RUNDC3B: variants seen among roughly 807,000 people sequenced by gnomAD.
RUNDC3B encodes the protein RUN domain-containing protein 3B.
Under a neutral mutation model 58.4 loss-of-function variants are expected in RUNDC3B, and 33 were observed. That is an observed-to-expected ratio of 0.56 (90% CI 0.43 to 0.75). The LOEUF (loss-of-function observed/expected upper bound fraction) is 0.75, where lower values mean the gene tolerates loss of function less well. Ranked by LOEUF, RUNDC3B falls within the 30% of genes least tolerant of loss-of-function variation. The pLI, the probability that RUNDC3B is intolerant of heterozygous loss-of-function variation, is 0.00. For synonymous variants in RUNDC3B, 193 were observed against 195.2 expected (o/e 0.99, Z 0.10); for missense variants, 501 against 535.7 (o/e 0.94, Z 0.64).
intron 2 of RUNDC3B, among the ~76,000 whole-genome samples, chr7:87,675,225 C>G (rs1369034889): frequency 6.6e-6 from 1 of 152,250 alleles, no homozygotes; most frequent in Admixed American, 6.5e-5. Flanking sequence ...CTTCCTCCCT[C>G]TGTCCACTCT....
intron 9 of RUNDC3B, among the ~76,000 whole-genome samples, chr7:87,815,141 C>T (rs1198062275): frequency 6.6e-6 from 1 of 151,884 alleles, no homozygotes; most frequent in Admixed American, 6.6e-5. Context: ...ATGGAGACTA[C>T]ATATAAGCAT....
intron 4 of RUNDC3B, among the ~76,000 whole-genome samples, chr7:87,714,131 A>G (rs1194694755): frequency 6.6e-6 from 1 of 152,226 alleles, no homozygotes; most frequent in Non-Finnish European, 1.5e-5. Flanking sequence ...TTTAAGAGTT[A>G]AGAATGCATT....
chr7:87,641,504 C>G (rs907621524), intron 1 of RUNDC3B, among the ~76,000 whole-genome samples: 9 of 152,130 alleles, frequency 5.9e-5, no homozygotes, highest in African/African-American at 1.7e-4. Flanking sequence ...TATTTTCTAG[C>G]ACCCTTCCTC....
At chr7:87,797,495 G>A (rs1835880668) in intron 8 of RUNDC3B, among the ~76,000 whole-genome samples, 1 of 152,182 alleles carries the variant, frequency 6.6e-6, no homozygotes, top group African/African-American at 2.4e-5. Context: ...TCAGGTGGTG[G>A]CAGCCTAGTT....
chr7:87,810,708 T>C (rs1392496242), intron 9 of RUNDC3B, among the ~76,000 whole-genome samples: 3 of 152,190 alleles, frequency 2.0e-5, no homozygotes. Flanking sequence ...AAAATATAAT[T>C]TCGTTTATTT....
chr7:87,814,933 C>T (rs989026845), intron 9 of RUNDC3B, among the ~76,000 whole-genome samples: 7 of 151,966 alleles, frequency 4.6e-5, no homozygotes, highest in African/African-American at 7.2e-5. Context: ...GTTGTCCATT[C>T]GTTATGAAAT....
chr7:87,777,138 T>C (rs999783204), intron 7 of RUNDC3B, among the ~76,000 whole-genome samples: 1 of 152,172 alleles, frequency 6.6e-6, no homozygotes, highest in African/African-American at 2.4e-5. Context: ...TTCCAAGAAG[T>C]CTTATATCTA....
At chr7:87,656,897 A>G (rs1824159093) in intron 2 of RUNDC3B, among the ~76,000 whole-genome samples, 1 of 152,186 alleles carries the variant, frequency 6.6e-6, no homozygotes, top group African/African-American at 2.4e-5. Flanking sequence ...GTATTTATTG[A>G]GTATCTACTA....
intron 1 of RUNDC3B, among the ~76,000 whole-genome samples, chr7:87,637,880 C>A (rs187113681): frequency 6.6e-6 from 1 of 151,802 alleles, no homozygotes; most frequent in Admixed American, 6.6e-5. Context: ...CTTTTTCAAT[C>A]TTTATGGCTT....
chr7:87,769,433 T>C (rs1834152458), intron 6 of RUNDC3B, among the ~76,000 whole-genome samples: 1 of 152,174 alleles, frequency 6.6e-6, no homozygotes, highest in South Asian at 2.1e-4. Flanking sequence ...TTTTTTGTTT[T>C]GAATTTTCTT....
intron 8 of RUNDC3B, among the ~76,000 whole-genome samples, chr7:87,786,777 CA>C (rs1835246824): frequency 6.6e-6 from 1 of 151,876 alleles, no homozygotes; most frequent in Non-Finnish European, 1.5e-5. Context: ...TGAAAGGAAA[CA>C]AAGACTTTCA....
chr7:87,663,459 A>G (rs1420702421), intron 2 of RUNDC3B, among the ~76,000 whole-genome samples: 1 of 152,036 alleles, frequency 6.6e-6, no homozygotes, highest in East Asian at 1.9e-4. Flanking sequence ...TACCGCTACT[A>G]TGTATTATTG....
At chr7:87,758,357 C>G (rs977135238) in intron 6 of RUNDC3B, among the ~76,000 whole-genome samples, 4 of 151,966 alleles carry the variant, frequency 2.6e-5, no homozygotes, top group Non-Finnish European at 5.9e-5. Flanking sequence ...CAAACAAAAA[C>G]CGAACACCTG....
chr7:87,796,643 G>C (rs1295577063), intron 8 of RUNDC3B, among the ~76,000 whole-genome samples: 1 of 152,022 alleles, frequency 6.6e-6, no homozygotes, highest in Non-Finnish European at 1.5e-5. Context: ...AAGGCAGTGG[G>C]CAAATTTTTC....
At chr7:87,735,057 A>G (rs749939729) in intron 4 of RUNDC3B, among the ~76,000 whole-genome samples, 2 of 152,142 alleles carry the variant, frequency 1.3e-5, no homozygotes, top group African/African-American at 4.8e-5. Context: ...CCATATGACC[A>G]TGATACCACA....
intron 8 of RUNDC3B, among the ~76,000 whole-genome samples, chr7:87,788,191 G>A (rs1835325788): frequency 6.6e-6 from 1 of 152,194 alleles, no homozygotes; most frequent in African/African-American, 2.4e-5. Context: ...GAGAGGCCAA[G>A]GCGAGAGAAT....
intron 4 of RUNDC3B, among the ~76,000 whole-genome samples, chr7:87,736,873 ATATATATATATATATATTTTTTTT>A (rs1178249314): frequency 2.9e-4 from 11 of 37,640 alleles, no homozygotes; most frequent in African/African-American, 1.0e-3. Flanking sequence ...ATATATATAT[ATATATATATATATATATTTTTTTT>A]TTTTTTTTTT....
At chr7:87,780,437 C>T (rs1178083700) in intron 8 of RUNDC3B, among the ~76,000 whole-genome samples, 1 of 152,020 alleles carries the variant, frequency 6.6e-6, no homozygotes, top group Non-Finnish European at 1.5e-5. Flanking sequence ...CCCTTGCCCA[C>T]TTTTTACTGG....
intron 4 of RUNDC3B, among the ~76,000 whole-genome samples, chr7:87,725,623 G>T (rs1364584050): frequency 1.3e-5 from 2 of 152,178 alleles, no homozygotes; most frequent in Admixed American, 1.3e-4. Context: ...GGATGGCTGG[G>T]TCAAATGGTA....
Sources: gnomAD v4.1 joint callset for allele counts (sites outside exome capture counted in the v4.1 genomes callset) on GRCh38, gnomAD v4.1.1 for gene constraint, MANE v1.5 for transcripts, NCBI Gene and HGNC (gene_info 2026-07-23, HGNC 2026-07-21) for gene names.